The following ZFHX3 variants were observed in gnomAD, a reference collection of about 807,000 sequenced individuals.
ZFHX3 encodes the protein zinc finger homeobox 3, also known as zinc finger homeobox protein 3.
A neutral mutation model predicts 279.1 loss-of-function variants in ZFHX3; 42 were observed. The observed-to-expected ratio is 0.15, with a 90% CI of 0.12 to 0.19. The LOEUF is 0.19. Among genes scored for constraint, ZFHX3 ranks in the 10% least tolerant of loss-of-function variants. The probability of loss-of-function intolerance (pLI) is 1.00; values close to 1 mark genes in which losing one functional copy is unlikely to be tolerated. For synonymous variants in ZFHX3, 2,293 were observed against 1,957.8 expected (o/e 1.17, Z -4.52); for missense variants, 4,981 against 4,754.0 (o/e 1.05, Z -1.40).
At chr16:73,881,830 G>C (rs758990353) in intron 1 of ZFHX3, among the ~76,000 whole-genome samples, 4 of 151,936 alleles carry the variant, frequency 2.6e-5, no homozygotes, top group African/African-American at 4.8e-5. Flanking sequence ...TTTTCTTTCT[G>C]TTCTCTGCAG....
chr16:73,662,270 C>G (rs2052793370), intron 2 of ZFHX3, among the ~76,000 whole-genome samples: 1 of 152,016 alleles, frequency 6.6e-6, no homozygotes, highest in South Asian at 2.1e-4. Flanking sequence ...AAGCCTTTTC[C>G]CAGATTTTTT....
At chr16:73,168,211 T>TTTTCTTTCTCTTTCTTTCTTTC (rs1967424271) in intron 5 of ZFHX3, among the ~76,000 whole-genome samples, 2 of 95,222 alleles carry the variant, frequency 2.1e-5, no homozygotes, top group African/African-American at 8.0e-5. Context: ...GTTTCTTTTG[T>TTTTCTTTCTCTTTCTTTCTTTC]TTTCTTTCTT....
intron 1 of ZFHX3, among the ~76,000 whole-genome samples, chr16:73,686,044 T>C (rs749836729): frequency 3.9e-5 from 6 of 152,244 alleles, no homozygotes; most frequent in Non-Finnish European, 8.8e-5. Context: ...ATCTTCAACA[T>C]GCTTATGTGA....
chr16:73,557,491 T>C (rs55929519), intron 2 of ZFHX3, among the ~76,000 whole-genome samples: 13,061 of 152,196 alleles, frequency 0.086, 776 homozygotes, highest in Middle Eastern at 0.18. Flanking sequence ...GGGCTGCTGG[T>C]TGCCCATTTT....
chr16:72,991,723 T>C (rs1017315836), intron 1 of ZFHX3, among the ~76,000 whole-genome samples: 5 of 152,232 alleles, frequency 3.3e-5, no homozygotes, highest in Admixed American at 6.5e-5. Flanking sequence ...GACTTGTCCA[T>C]GGTCACACAC....
chr16:73,274,256 A>G (rs2014233875), intron 4 of ZFHX3, among the ~76,000 whole-genome samples: 1 of 152,204 alleles, frequency 6.6e-6, no homozygotes, highest in Non-Finnish European at 1.5e-5. Flanking sequence ...TGTGTTCTCA[A>G]ACTTTTGCAT....
chr16:73,308,498 C>A (rs2015246621), intron 4 of ZFHX3, among the ~76,000 whole-genome samples: 1 of 151,744 alleles, frequency 6.6e-6, no homozygotes, highest in Admixed American at 6.6e-5. Flanking sequence ...ACCATGTTTT[C>A]CAGGGTGGTC....
At chr16:73,855,209 C>A (rs1045115726) in intron 1 of ZFHX3, among the ~76,000 whole-genome samples, 1 of 143,376 alleles carries the variant, frequency 7.0e-6, no homozygotes, top group Non-Finnish European at 1.5e-5. Flanking sequence ...ATTAATAAGG[C>A]GTTAGCCTTT....
chr16:73,720,134 C>T (rs1236956654), intron 1 of ZFHX3, among the ~76,000 whole-genome samples: 1 of 152,160 alleles, frequency 6.6e-6, no homozygotes, highest in Non-Finnish European at 1.5e-5. Context: ...ATAGCAATTT[C>T]TTTTTAACAC....
intron 1 of ZFHX3, among the ~76,000 whole-genome samples, chr16:73,749,150 T>C (rs1316078432): frequency 6.6e-6 from 1 of 152,166 alleles, no homozygotes; most frequent in African/African-American, 2.4e-5. Flanking sequence ...TCCCGCCATA[T>C]TGGACCACTT....
At chr16:73,847,332 T>G (rs2142375802) in intron 1 of ZFHX3, among the ~76,000 whole-genome samples, 1 of 152,218 alleles carries the variant, frequency 6.6e-6, no homozygotes, top group South Asian at 2.1e-4. Context: ...ATGACACTGC[T>G]TCCTGTCCTA....
intron 2 of ZFHX3, among the ~76,000 whole-genome samples, chr16:73,667,461 C>G (rs2052855497): frequency 6.6e-6 from 1 of 152,142 alleles, no homozygotes; most frequent in Non-Finnish European, 1.5e-5. Flanking sequence ...TCAAATGATA[C>G]ATATATGTTT....
intron 4 of ZFHX3, among the ~76,000 whole-genome samples, chr16:73,282,843 A>G (rs755169630): frequency 6.6e-6 from 1 of 152,048 alleles, no homozygotes; most frequent in Non-Finnish European, 1.5e-5. Flanking sequence ...TCCTTGGCTT[A>G]TGTTTTCTTC....
chr16:73,677,680 G>T (rs2052968586), intron 2 of ZFHX3, among the ~76,000 whole-genome samples: 1 of 151,606 alleles, frequency 6.6e-6, no homozygotes, highest in Non-Finnish European at 1.5e-5. Context: ...TATTTCAACA[G>T]GAAAATATAA....
intron 4 of ZFHX3, chr16:73,293,780 T>C (rs908432156): frequency 1.3e-5 from 2 of 152,120 alleles, no homozygotes; most frequent in African/African-American, 2.4e-5. Flanking sequence ...ATAAGAACCA[T>C]TCACTGGAGC....
intron 4 of ZFHX3, among the ~76,000 whole-genome samples, chr16:72,843,704 C>G (rs1006198480): frequency 1.3e-5 from 2 of 152,060 alleles, no homozygotes; most frequent in African/African-American, 4.8e-5. Context: ...GGTGCTGGCT[C>G]TGCGGGAATC....
chr16:72,791,948 C>A (rs1429005188), intron 9 of ZFHX3, among the ~76,000 whole-genome samples: 1 of 152,216 alleles, frequency 6.6e-6, no homozygotes, highest in Admixed American at 6.5e-5. Flanking sequence ...AGCACAGCTG[C>A]TTTAACCCCT....
At chr16:73,381,015 A>T (rs1419455180) in intron 3 of ZFHX3, among the ~76,000 whole-genome samples, 1 of 152,176 alleles carries the variant, frequency 6.6e-6, no homozygotes, top group Non-Finnish European at 1.5e-5. Flanking sequence ...GTCTTCTTTT[A>T]ACTCTTTTAG....
Position 73,472,625 on chromosome 16 carries a change from T to G in ZFHX3, c.-1546-16367A>C, listed in dbSNP as rs2018689485. 3.9e-5 allele frequency among the ~76,000 whole-genome samples: 6 copies of G among 152,350 alleles called. 1 individual carries two copies. In the South Asian group the frequency reaches 1.2e-3, roughly 32 times the overall value. Reference sequence around the variant, plus strand: ...CCCTCCTTCTCCGTCCTACCGTCTGTGCCATGAGACTGGCCTCTCCAGACT... The same window carrying G: ...CCCTCCTTCTCCGTCCTACCGTCTGGGCCATGAGACTGGCCTCTCCAGACT... On this transcript the variant is annotated intron_variant, in intron 2 of 17. Coordinates refer to the ZFHX3 transcript ENST00000641206.
Sources: gnomAD v4.1 joint callset for allele counts (sites outside exome capture counted in the v4.1 genomes callset) on GRCh38, gnomAD v4.1.1 for gene constraint, MANE v1.5 for transcripts, NCBI Gene and HGNC (gene_info 2026-07-23, HGNC 2026-07-21) for gene names.